Variants in UNK observed in about 807,000 individuals in gnomAD.
UNK encodes unk zinc finger, also known as RING finger protein unkempt homolog.
In UNK, 32 loss-of-function variants were observed where a neutral mutation model predicts 97.6. The ratio of observed to expected loss-of-function variants is 0.33; its 90% CI spans 0.25 to 0.44. UNK has a LOEUF of 0.44. UNK is among the 20% of genes least tolerant of loss of function. The pLI is 1.00. For synonymous variants in UNK, 441 were observed against 461.2 expected (o/e 0.96, Z 0.56); for missense variants, 771 against 1,098.4 (o/e 0.70, Z 4.21).
intron 14 of UNK, 119 bp from the exon 15 acceptor site, chr17:75,823,146 G>A: frequency 6.8e-7 from 1 of 1,464,032 alleles, no homozygotes. Context: ...CCTCCTCCCA[G>A]AGAGCCAACC....
At chr17:75,799,058 T>A (rs2061832745) in intron 1 of UNK, among the ~76,000 whole-genome samples, 1 of 150,128 alleles carries the variant, frequency 6.7e-6, no homozygotes, top group South Asian at 2.1e-4. Context: ...AGTGCGAGAC[T>A]CCATCTCAAA....
In UNK at chr17:75,816,664, T is replaced by G; in HGVS notation, c.962-106T>G. ...CTAGAGATGTCGTAGGAACCTTCCC[T>G]TTATGTGCAGGGGGATTTGTGGTCT... On this transcript the variant is annotated intron_variant, in intron 7 of 15. Coordinates refer to ENST00000589666, the MANE Select transcript of UNK (RefSeq NM_001080419.3). This position sits in a 1 kb window ranked among gnomAD's most constrained non-coding sequence, Gnocchi z 4.0. 2 of 1,382,538 alleles carry G rather than the reference T, an allele frequency of 1.4e-6. No individual in the cohort carries two copies. The highest frequency in any genetic ancestry group is 1.9e-6 in the Non-Finnish European group (2 of 1,045,928). 85.6% of individuals were successfully genotyped at this position (1,382,538 alleles called of 1,614,324 possible).
chr17:75,821,965 G>T, intron 13 of UNK: 1 of 328,566 alleles, frequency 3.0e-6, no homozygotes, highest in South Asian at 2.4e-5. Flanking sequence ...CAGGGTCCTT[G>T]TCTGTAAAAC....
At chr17:75,789,912 G>T (rs975906917) in intron 1 of UNK, among the ~76,000 whole-genome samples, 2 of 152,100 alleles carry the variant, frequency 1.3e-5, no homozygotes, top group African/African-American at 4.8e-5. Context: ...GGAGGCTGAG[G>T]TGGGCGGATC....
At chr17:75,800,775 C>A (rs1008957556) in intron 1 of UNK, among the ~76,000 whole-genome samples, 4 of 151,966 alleles carry the variant, frequency 2.6e-5, no homozygotes, top group Admixed American at 6.6e-5. Context: ...TTCCTTTGAA[C>A]CTGCACTCAT....
intron 1 of UNK, among the ~76,000 whole-genome samples, chr17:75,790,575 G>A (rs923672561): frequency 3.3e-5 from 5 of 151,996 alleles, no homozygotes; most frequent in Admixed American, 2.0e-4. Context: ...AGGCTACAGT[G>A]AGCCAAGATT....
At chr17:75,822,384 G>A in intron 13 of UNK, 93 bp from the exon 14 acceptor site, 1 of 1,444,216 alleles carries the variant, frequency 6.9e-7, no homozygotes, top group South Asian at 1.4e-5. Context: ...CCCATCCAGT[G>A]GACAGCCAGT....
chr17:75,789,502 A>T (rs2061743865), intron 1 of UNK, among the ~76,000 whole-genome samples: 1 of 151,948 alleles, frequency 6.6e-6, no homozygotes, highest in Non-Finnish European at 1.5e-5. Flanking sequence ...ATGCCCAGCT[A>T]ATTCTTTGTA....
intron 1 of UNK, among the ~76,000 whole-genome samples, chr17:75,788,058 A>G (rs775182993): frequency 2.0e-5 from 3 of 152,160 alleles, no homozygotes; most frequent in Non-Finnish European, 4.4e-5. Context: ...TGGGAGGTAA[A>G]CAGTGGGTAC....
chr17:75,822,567 G>A lies in UNK; in HGVS notation c.1928G>A (p.Gly643Glu). Reference sequence around the variant, plus strand: ...TCCCCCGCTTTCCTATCAGGGCCAGGGGCTGCCGAGCTGGCCCGACTTCGG... The same window carrying A: ...TCCCCCGCTTTCCTATCAGGGCCAGAGGCTGCCGAGCTGGCCCGACTTCGG... ...GTSPAFLSGP[G>E]AAELARLRQE... Residue 643 changes from glycine (G) to glutamate (E), a missense_variant, in exon 14 of 16, where the codon GGG (glycine) becomes GAG (glutamate). Gly to Glu is a moderately conservative substitution (Grantham distance 98). Transcript: ENST00000589666. 6.2e-7 allele frequency: 1 copy of A among 1,613,592 alleles called. No homozygotes were observed. Among genetic ancestry groups the A allele is most frequent in the Non-Finnish European group, 8.5e-7 (1 of 1,179,830 alleles).
chr17:75,820,241 G>A, intron 13 of UNK, 133 bp downstream of exon 13: 1 of 916,264 alleles, frequency 1.1e-6, no homozygotes, highest in Non-Finnish European at 1.6e-6. Flanking sequence ...CGAGGAGGCA[G>A]AGTCAGATTC....
chr17:75,786,629 C>T (rs564275486), intron 1 of UNK, among the ~76,000 whole-genome samples: 3 of 152,182 alleles, frequency 2.0e-5, no homozygotes, highest in South Asian at 4.1e-4. Flanking sequence ...GAGGCCGAGG[C>T]GGATCGCATG....
intron 6 of UNK, among the ~76,000 whole-genome samples, chr17:75,814,107 C>A (rs1397067213): frequency 6.6e-6 from 1 of 152,158 alleles, no homozygotes; most frequent in South Asian, 2.1e-4. Flanking sequence ...AGTTCTGTGT[C>A]CCCCAGGCCT....
chr17:75,792,518 A>G (rs1388686621), intron 1 of UNK: 1 of 980,564 alleles, frequency 1.0e-6, no homozygotes, highest in Non-Finnish European at 1.2e-6. Flanking sequence ...TATAAAAATT[A>G]CATTAGCCTA....
chr17:75,806,745 C>A (rs1319118601), intron 1 of UNK, among the ~76,000 whole-genome samples: 2 of 152,100 alleles, frequency 1.3e-5, no homozygotes, highest in Non-Finnish European at 2.9e-5. Flanking sequence ...TGCACTCTAG[C>A]CCAGGCAACA....
chr17:75,822,397 C>G, intron 13 of UNK, 80 bp from the exon 14 acceptor site: 5 of 1,500,044 alleles, frequency 3.3e-6, no homozygotes, highest in Non-Finnish European at 4.5e-6. Context: ...CAGCCAGTCC[C>G]TGGAACCTCT....
At chr17:75,785,053 CG>C in intron 1 of UNK, 69 bp downstream of exon 1, 1 of 1,183,516 alleles carries the variant, frequency 8.4e-7, no homozygotes, top group Non-Finnish European at 1.1e-6. Flanking sequence ...GAGTCACGCG[CG>C]CAGGGAGAGC....
At chr17:75,791,618 A>T in intron 1 of UNK, 1 of 469,006 alleles carries the variant, frequency 2.1e-6, no homozygotes, top group Non-Finnish European at 2.8e-6. Flanking sequence ...GCCTTCATTT[A>T]ATCCCACAAA....
At chr17:75,805,830 GTGTGTGT>G in intron 1 of UNK, among the ~76,000 whole-genome samples, 1 of 151,744 alleles carries the variant, frequency 6.6e-6, no homozygotes, top group Non-Finnish European at 1.5e-5. Context: ...GTGTGTGTGT[GTGTGTGT>G]GTGTGTGTAT....
Sources: gnomAD v4.1 joint callset for allele counts (sites outside exome capture counted in the v4.1 genomes callset) on GRCh38, gnomAD v4.1.1 for gene constraint, Gnocchi (gnomAD v3.1) non-coding constraint, MANE v1.5 for transcripts, NCBI Gene and HGNC (gene_info 2026-07-23, HGNC 2026-07-21) for gene names.